GRIK1: variants seen among roughly 807,000 people sequenced by gnomAD.
GRIK1 encodes the protein glutamate receptor ionotropic, kainate 1.
A neutral mutation model predicts 105.7 loss-of-function variants in GRIK1; 69 were observed. The observed-to-expected ratio is 0.65, with a 90% CI of 0.54 to 0.80. The LOEUF (loss-of-function observed/expected upper bound fraction) is 0.80. Among genes scored for constraint, GRIK1 ranks in the 30% least tolerant of loss-of-function variants. The pLI, the probability that GRIK1 is intolerant of heterozygous loss-of-function variation, is 0.00. For synonymous variants in GRIK1, 438 were observed against 431.3 expected (o/e 1.02, Z -0.19); for missense variants, 1,109 against 1,167.3 (o/e 0.95, Z 0.73).
chr21:29,770,002 T>C (rs569048308), intron 1 of GRIK1, among the ~76,000 whole-genome samples: 1 of 152,318 alleles, frequency 6.6e-6, no homozygotes, highest in African/African-American at 2.4e-5. Context: ...TTGTTTTTTA[T>C]AGTAGTTCAC....
intron 1 of GRIK1, among the ~76,000 whole-genome samples, chr21:29,801,288 A>AC (rs1303236382): frequency 6.6e-6 from 1 of 151,118 alleles, no homozygotes; most frequent in East Asian, 2.0e-4. Flanking sequence ...AATGGTAAAA[A>AC]CCGCAATTAC....
Position 29,729,812 on chromosome 21 carries a change from T to A in GRIK1, c.119-35749A>T, listed in dbSNP as rs569081279. ...AGAGGGTGGATCTGTATATTTTGAA[T>A]TGAGTTTTCATCCTAAACTTAAAAA... On this transcript the variant is annotated intron_variant, in intron 1 of 17. Transcript: ENST00000327783. Among the ~76,000 whole-genome samples, 5 of 152,270 alleles carry A rather than the reference T, an allele frequency of 3.3e-5. No individual in the cohort carries two copies. In the East Asian group the frequency reaches 9.6e-4, roughly 29 times the overall value.
At chr21:29,780,736 G>C (rs1260396639) in intron 1 of GRIK1, among the ~76,000 whole-genome samples, 1 of 152,234 alleles carries the variant, frequency 6.6e-6, no homozygotes, top group Non-Finnish European at 1.5e-5. Context: ...AATTGCAGAA[G>C]AAGCACCTTA....
intron 1 of GRIK1, among the ~76,000 whole-genome samples, chr21:29,732,385 C>T (rs1461612394): frequency 1.3e-5 from 2 of 152,132 alleles, no homozygotes; most frequent in Non-Finnish European, 2.9e-5. Context: ...CTGTTTTTCC[C>T]CAACCACTGG....
chr21:29,621,244 G>A (rs2061994774), intron 7 of GRIK1, among the ~76,000 whole-genome samples: 1 of 152,114 alleles, frequency 6.6e-6, no homozygotes, highest in Non-Finnish European at 1.5e-5. Context: ...ATAAATCTTT[G>A]CTCATACACC....
intron 6 of GRIK1, among the ~76,000 whole-genome samples, chr21:29,647,513 A>T (rs1320634997): frequency 6.6e-6 from 1 of 152,216 alleles, no homozygotes; most frequent in African/African-American, 2.4e-5. Context: ...TACAGGCAAG[A>T]GAGCAGGATA....
intron 1 of GRIK1, among the ~76,000 whole-genome samples, chr21:29,725,933 A>C (rs2064446435): frequency 6.6e-6 from 1 of 152,182 alleles, no homozygotes; most frequent in Non-Finnish European, 1.5e-5. Flanking sequence ...CACGTTCCCA[A>C]AGGTATCTTA....
intron 1 of GRIK1, among the ~76,000 whole-genome samples, chr21:29,857,350 A>G (rs2068494069): frequency 6.6e-6 from 1 of 152,208 alleles, no homozygotes; most frequent in African/African-American, 2.4e-5. Flanking sequence ...ACTGCCTTCC[A>G]AGCCTGGCAA....
At chr21:29,929,960 T>C (rs1016843249) in intron 1 of GRIK1, among the ~76,000 whole-genome samples, 1 of 152,192 alleles carries the variant, frequency 6.6e-6, no homozygotes, top group African/African-American at 2.4e-5. Context: ...GTGGTAAATA[T>C]ACACAATGGA....
At chr21:29,584,013 A>G (rs16984414) in intron 12 of GRIK1, among the ~76,000 whole-genome samples, 10,314 of 152,264 alleles carry the variant, frequency 0.068, 670 homozygotes, top group African/African-American at 0.17. Flanking sequence ...GGGAAGAAAC[A>G]TGCTTAAAAC....
At chr21:29,617,918 T>G (rs1010698894) in intron 7 of GRIK1, among the ~76,000 whole-genome samples, 2 of 152,248 alleles carry the variant, frequency 1.3e-5, no homozygotes, top group African/African-American at 4.8e-5. Flanking sequence ...TGCTCCATGC[T>G]CATTTGCATT....
intron 3 of GRIK1, among the ~76,000 whole-genome samples, chr21:29,673,858 C>T (rs2063206647): frequency 6.6e-6 from 1 of 152,102 alleles, no homozygotes. Flanking sequence ...AAAACATATA[C>T]GTCCAACTAA....
At chr21:29,885,100 A>G (rs2069563042) in intron 1 of GRIK1, among the ~76,000 whole-genome samples, 1 of 152,194 alleles carries the variant, frequency 6.6e-6, no homozygotes, top group Middle Eastern at 3.4e-3. Context: ...GTAATTATGC[A>G]TATTTATTGA....
At chr21:29,557,354 C>T (rs1296962875) in intron 15 of GRIK1, among the ~76,000 whole-genome samples, 1 of 152,130 alleles carries the variant, frequency 6.6e-6, no homozygotes, top group Non-Finnish European at 1.5e-5. Context: ...GTACACATTC[C>T]ATTTTAGAAT....
In GRIK1 at chr21:29,591,147, A is replaced by G. The variant is rs2146291243; in HGVS notation, c.1330T>C (p.Leu444=). The G allele has an allele frequency of 5.0e-6, 8 of 1,608,404 alleles. No homozygotes were observed. Among genetic ancestry groups the G allele is most frequent in the Middle Eastern group, 1.7e-4 (1 of 6,048 alleles). The change falls in exon 10 of 18, where the codon TTG becomes CTG. Residue 444 remains leucine, a synonymous_variant. Coordinates refer to ENST00000327783, the MANE Select transcript of GRIK1 (RefSeq NM_001330994.2). ...GTGACAATGAGTGTTCTGTTGGCCA[A>G]TGAATCAGTGATATTGCTGGACTTG... ...KDKSSNITDS[L]ANRTLIVTTI... is the part of the protein sequence containing the mutation.
At chr21:29,544,495 G>C (rs78992965) in intron 16 of GRIK1, among the ~76,000 whole-genome samples, 1 of 152,072 alleles carries the variant, frequency 6.6e-6, no homozygotes, top group South Asian at 2.1e-4. Context: ...CTTTTTTCCA[G>C]TTCTTCTGAA....
chr21:29,625,896 A>C (rs141252043), intron 7 of GRIK1, among the ~76,000 whole-genome samples: 90 of 152,254 alleles, frequency 5.9e-4, no homozygotes, highest in Non-Finnish European at 1.2e-3. Flanking sequence ...AAGAGTGAAT[A>C]TGAGTAAAGT....
At chr21:29,679,216 C>T (rs8128745) in intron 3 of GRIK1, among the ~76,000 whole-genome samples, 8,810 of 152,174 alleles carry the variant, frequency 0.058, 295 homozygotes, top group Non-Finnish European at 0.068. Flanking sequence ...GTTAGGGATG[C>T]TATTCTCATT....
chr21:29,775,771 T>C (rs2065928012), intron 1 of GRIK1, among the ~76,000 whole-genome samples: 1 of 152,224 alleles, frequency 6.6e-6, no homozygotes, highest in Non-Finnish European at 1.5e-5. Flanking sequence ...CCCCAAAACC[T>C]GTTCTTCTTA....
Sources: allele counts gnomAD v4.1 joint callset (sites outside exome capture counted in the v4.1 genomes callset), GRCh38; gene constraint gnomAD v4.1.1; transcripts MANE v1.5; gene names NCBI Gene and HGNC (gene_info 2026-07-23, HGNC 2026-07-21).